DCUN1D4: variants seen among roughly 807,000 people sequenced by gnomAD.
DCUN1D4 encodes DCN1-like protein 4.
DCUN1D4 carries 22 observed loss-of-function variants against 47.9 expected under a neutral mutation model. The ratio of observed to expected loss-of-function variants is 0.46; its 90% CI spans 0.33 to 0.66. DCUN1D4 has a LOEUF of 0.66. DCUN1D4 is among the 30% of genes least tolerant of loss of function. The pLI is 0.02. For missense variants in DCUN1D4, 301 were observed against 340.8 expected (o/e 0.88, Z 0.92); for synonymous variants, 121 against 112.2 (o/e 1.08, Z -0.50).
intron 8 of DCUN1D4, chr4:51,905,340 C>G (rs1277683677): frequency 6.2e-6 from 2 of 324,864 alleles, no homozygotes; most frequent in African/African-American, 4.3e-5. Flanking sequence ...CTTCACAGAG[C>G]CACATTGCTT....
At chr4:51,848,233 G>T (rs1233669106) in intron 1 of DCUN1D4, 2 of 1,289,232 alleles carry the variant, frequency 1.6e-6, no homozygotes, top group Non-Finnish European at 2.0e-6. Flanking sequence ...GTGGCGTGGA[G>T]AAATTCTCAA....
At chr4:51,853,843 AC>A (rs1197853334) in intron 1 of DCUN1D4, among the ~76,000 whole-genome samples, 1 of 152,212 alleles carries the variant, frequency 6.6e-6, no homozygotes, top group Non-Finnish European at 1.5e-5. Flanking sequence ...CCCCATGGGC[AC>A]TGCACTGGGC....
At chr4:51,862,924 T>A (rs143504726) in intron 1 of DCUN1D4, among the ~76,000 whole-genome samples, 9 of 152,200 alleles carry the variant, frequency 5.9e-5, no homozygotes, top group African/African-American at 2.2e-4. Context: ...CTCAGGCAGA[T>A]CACTTGAGCC....
At chr4:51,861,714 G>GT (rs1398401573) in intron 1 of DCUN1D4, among the ~76,000 whole-genome samples, 1 of 152,044 alleles carries the variant, frequency 6.6e-6, no homozygotes, top group African/African-American at 2.4e-5. Context: ...GGGCCCAAGA[G>GT]TTTAACTTCA....
intron 3 of DCUN1D4, among the ~76,000 whole-genome samples, chr4:51,871,762 T>C (rs1044001264): frequency 1.3e-5 from 2 of 152,246 alleles, no homozygotes; most frequent in African/African-American, 4.8e-5. Context: ...CCTAGGGCAT[T>C]AATAGATATG....
chr4:51,890,310 A>G (rs964194960), intron 6 of DCUN1D4, among the ~76,000 whole-genome samples: 7 of 152,188 alleles, frequency 4.6e-5, no homozygotes, highest in Admixed American at 2.0e-4. Context: ...CATAGCCGCC[A>G]TCTGACCCAG....
chr4:51,837,216 T>C, the DCUN1D4 span, among the ~76,000 whole-genome samples: 3 of 152,196 alleles, frequency 2.0e-5, no homozygotes, highest in Non-Finnish European at 2.9e-5. Context: ...GAATACATTT[T>C]TATTCAAATA....
chr4:51,874,288 A>T lies in DCUN1D4; in HGVS notation c.154A>T (p.Ser52Cys), dbSNP rs759943880. 6.2e-7 allele frequency: 1 copy of T among 1,611,806 alleles called. No individual in the cohort carries two copies. Among genetic ancestry groups the T allele is most frequent in the East Asian group, 2.2e-5 (1 of 44,850 alleles). Residue 52 changes from serine to cysteine, a missense_variant, in exon 4 of 11, where the codon AGT (serine) becomes TGT (cysteine). By Grantham distance (112) the Ser-to-Cys change is moderately radical. Transcript: ENST00000334635. ...DHQTGSLRSC[S>C]SSDCFNKVMP... Reference sequence around the variant, plus strand: ...TTTTGTAGGAAGTCTGCGGTCTTGCAGTTCTTCAGACTGCTTTAATAAAGT... The same window carrying T: ...TTTTGTAGGAAGTCTGCGGTCTTGCTGTTCTTCAGACTGCTTTAATAAAGT...
rs766818060 is a variant in DCUN1D4 at position 51,913,482 on chromosome 4, A to G, written c.824-47A>G. On this transcript the variant is annotated intron_variant, in intron 10 of 10. Coordinates refer to ENST00000334635, the MANE Select transcript of DCUN1D4 (RefSeq NM_001040402.3). ...CCTCAGCTACATTACTATTATTATT[A>G]TTGTTATTATTATTATTATTACTAC... The G allele has an allele frequency of 2.2e-5, 34 of 1,533,016 alleles. No homozygotes were observed. The African/African-American group carries it at 3.1e-4, about 14-fold the overall frequency. 95.0% of individuals were successfully genotyped at this position (1,533,016 alleles called of 1,614,324 possible). A position where few individuals can be genotyped will look rare whatever the true frequency, so the allele number is the denominator to read the frequency against.
intron 1 of DCUN1D4, among the ~76,000 whole-genome samples, chr4:51,862,684 T>C (rs1041284782): frequency 1.3e-5 from 2 of 152,136 alleles, no homozygotes; most frequent in Non-Finnish European, 2.9e-5. Flanking sequence ...GCTTACATTT[T>C]TATTGCCTAA....
Position 51,850,865 on chromosome 4 carries a change from G to C in DCUN1D4, c.25+7598G>C, listed in dbSNP as rs114764743. Among the ~76,000 whole-genome samples the C allele has an allele frequency of 2.4e-3, 367 of 152,246 alleles. 1 individual carries two copies. Among genetic ancestry groups the C allele is most frequent in the African/African-American group, 8.6e-3 (359 of 41,552 alleles). Reference sequence around the variant, plus strand: ...TGATGGAGCTGAGGGGCCATTCCAGGCAGAGAGAATACAAATGCAGAAGCT... The same window carrying C: ...TGATGGAGCTGAGGGGCCATTCCAGCCAGAGAGAATACAAATGCAGAAGCT... On this transcript the variant is annotated intron_variant, in intron 1 of 10. Transcript: ENST00000334635.
chr4:51,836,977 C>T, the DCUN1D4 span, among the ~76,000 whole-genome samples: 1 of 152,190 alleles, frequency 6.6e-6, no homozygotes, highest in South Asian at 2.1e-4. Context: ...ACACAGAAGC[C>T]ATTATCCAAA....
At chr4:51,878,458 A>C (rs1227376986) in intron 5 of DCUN1D4, among the ~76,000 whole-genome samples, 1 of 152,134 alleles carries the variant, frequency 6.6e-6, no homozygotes, top group Non-Finnish European at 1.5e-5. Context: ...TTCTCACCTT[A>C]TTTCAGGCTC....
At chr4:51,840,426 T>A (rs1187850879), upstream of DCUN1D4, among the ~76,000 whole-genome samples, 1 of 152,216 alleles carries the variant, frequency 6.6e-6, no homozygotes, top group Non-Finnish European at 1.5e-5. Context: ...ATTTGAAGCT[T>A]TGATATTAGA....
intron 8 of DCUN1D4, among the ~76,000 whole-genome samples, chr4:51,909,720 CTTAAG>C (rs1195165894): frequency 1.3e-5 from 2 of 152,150 alleles, no homozygotes; most frequent in East Asian, 1.9e-4. Context: ...CCTCATCAGA[CTTAAG>C]TTATGTGACC....
At chr4:51,857,201 T>A (rs1353042103) in intron 1 of DCUN1D4, among the ~76,000 whole-genome samples, 1 of 152,190 alleles carries the variant, frequency 6.6e-6, no homozygotes, top group Admixed American at 6.5e-5. Flanking sequence ...CTTCCTTTTT[T>A]ATTTTTTTTG....
At chr4:51,842,965 A>T, upstream of DCUN1D4, 2 of 992,098 alleles carry the variant, frequency 2.0e-6, no homozygotes, top group Non-Finnish European at 2.6e-6. Context: ...CAGGGGCGTT[A>T]CGGAGACAAG....
At chr4:51,859,692 A>C (rs1251292903) in intron 1 of DCUN1D4, among the ~76,000 whole-genome samples, 1 of 145,752 alleles carries the variant, frequency 6.9e-6, no homozygotes, top group Non-Finnish European at 1.5e-5. Context: ...CCCAATCAGC[A>C]GTTGTTGGTA....
chr4:51,891,961 C>G, intron 7 of DCUN1D4, 110 bp downstream of exon 7: 3 of 809,448 alleles, frequency 3.7e-6, no homozygotes, highest in Non-Finnish European at 6.0e-6. Flanking sequence ...GTCAGGTGGT[C>G]TGGCCAAGCT....
Sources: allele counts gnomAD v4.1 joint callset (sites outside exome capture counted in the v4.1 genomes callset), GRCh38; gene constraint gnomAD v4.1.1; transcripts MANE v1.5; gene names NCBI Gene and HGNC (gene_info 2026-07-23, HGNC 2026-07-21).